HNRNPC: variants seen among roughly 807,000 people sequenced by gnomAD.
HNRNPC encodes heterogeneous nuclear ribonucleoproteins C1/C2.
In HNRNPC, 3 loss-of-function variants were observed where a neutral mutation model predicts 33.2. That is an observed-to-expected ratio of 0.09 (90% CI 0.04 to 0.23). HNRNPC has a LOEUF of 0.23. Ranked by LOEUF, HNRNPC falls within the 10% of genes least tolerant of loss-of-function variation. The probability of loss-of-function intolerance (pLI) is 1.00; values close to 1 mark genes in which losing one functional copy is unlikely to be tolerated. For missense variants in HNRNPC, 143 were observed against 366.7 expected, an observed-to-expected ratio of 0.39 and a Z score of 4.98; for synonymous variants, 121 against 126.7, an observed-to-expected ratio of 0.96 and a Z score of 0.30.
intron 6 of HNRNPC, 146 bp from the exon 7 acceptor site, chr14:21,212,069 C>T: frequency 3.1e-6 from 2 of 639,444 alleles, no homozygotes; most frequent in East Asian, 2.7e-5. Context: ...TAATAAAGGC[C>T]CTTGGTTCTA....
Position 21,268,533 on chromosome 14 carries a change from C to T in HNRNPC, c.-63+765G>A, listed in dbSNP as rs1396652270. ...CTCGACTGACCTCGTGGTCAAATTC[C>T]TTACTAGTGCTGCTACTGACTTAAT... is the stretch of plus-strand genomic sequence containing the variant. On this transcript the variant is annotated intron_variant, in intron 1 of 8. Transcript: ENST00000553300. 3 of 152,232 alleles carry T rather than the reference C, an allele frequency of 2.0e-5. No homozygotes were observed. In the East Asian group the frequency reaches 5.8e-4, roughly 29 times the overall value. 9.4% of individuals were successfully genotyped at this position (152,232 alleles called of 1,614,324 possible). A position where few individuals can be genotyped will look rare whatever the true frequency, so the allele number is the denominator to read the frequency against.
rs542923894 is a variant in HNRNPC at position 21,210,722 on chromosome 14, T to C, written c.*501A>G. 6.5e-6 allele frequency: 1 copy of C among 153,518 alleles called. No homozygotes were observed. The highest frequency in any genetic ancestry group is 1.9e-4 in the East Asian group (1 of 5,210). The allele number at this position is 153,518 out of a possible 1,614,324, so 9.5% of individuals were successfully genotyped here. Reference sequence around the variant, plus strand: ...ATGCATTTGACATGCCAACTCTCATTCACAAAAATACATTGTTACATTTGT... The same window carrying C: ...ATGCATTTGACATGCCAACTCTCATCCACAAAAATACATTGTTACATTTGT... On this transcript the variant is annotated 3_prime_UTR_variant, in exon 9 of 9. Transcript: ENST00000553300.
intron 2 of HNRNPC, among the ~76,000 whole-genome samples, chr14:21,256,454 C>T (rs554776447): frequency 3.3e-5 from 5 of 151,240 alleles, no homozygotes; most frequent in African/African-American, 9.7e-5. Context: ...CATCTCCCCC[C>T]CAAAAAAAAA....
chr14:21,231,313 A>T, intron 3 of HNRNPC: 1 of 610,784 alleles, frequency 1.6e-6, no homozygotes, highest in South Asian at 1.5e-5. Context: ...CAAACTACGA[A>T]GTTTAGAAAA....
intron 5 of HNRNPC, among the ~76,000 whole-genome samples, chr14:21,217,178 C>G (rs1214944810): frequency 1.3e-5 from 2 of 152,204 alleles, no homozygotes; most frequent in Non-Finnish European, 2.9e-5. Flanking sequence ...GGAAGTAGTC[C>G]TTGCCTCAAA....
At chr14:21,238,487 C>G (rs540573563) in intron 2 of HNRNPC, among the ~76,000 whole-genome samples, 1 of 152,282 alleles carries the variant, frequency 6.6e-6, no homozygotes, top group South Asian at 2.1e-4. Flanking sequence ...TTCCCAAATT[C>G]ACTACAATGT....
chr14:21,220,809 ATC>A (rs1366224421), intron 5 of HNRNPC, among the ~76,000 whole-genome samples: 2 of 150,432 alleles, frequency 1.3e-5, no homozygotes, highest in African/African-American at 4.9e-5. Context: ...AAAAAATTCT[ATC>A]TGTTTTCAAG....
At chr14:21,268,032 A>T (rs1879308168) in intron 1 of HNRNPC, among the ~76,000 whole-genome samples, 1 of 152,216 alleles carries the variant, frequency 6.6e-6, no homozygotes, top group Non-Finnish European at 1.5e-5. Flanking sequence ...CTTACCCTGC[A>T]GAATGGGTTT....
chr14:21,244,945 C>T lies in HNRNPC; in HGVS notation c.-36-10716G>A, dbSNP rs142709376. ...ACTAAAATAACAAAAATTAGCCAGG[C>T]GTGGTGGCATGCGCCTGTAGTCCCA... On this transcript the variant is annotated intron_variant, in intron 2 of 8. Coordinates refer to ENST00000553300, the MANE Select transcript of HNRNPC (RefSeq NM_004500.4). Among the ~76,000 whole-genome samples, 52 of 151,834 alleles carry T rather than the reference C, an allele frequency of 3.4e-4. 2 individuals carry two copies. Among genetic ancestry groups the T allele is most frequent in the African/African-American group, 1.1e-3 (45 of 41,370 alleles).
chr14:21,230,548 T>C (rs777684157), intron 4 of HNRNPC, 182 bp from the exon 5 acceptor site: 6 of 552,276 alleles, frequency 1.1e-5, no homozygotes, highest in East Asian at 6.1e-5. Flanking sequence ...CCACTGGAAA[T>C]GTAGCGGTCA....
At chr14:21,212,170 C>T (rs1891682288) in intron 6 of HNRNPC, among the ~76,000 whole-genome samples, 1 of 152,130 alleles carries the variant, frequency 6.6e-6, no homozygotes, top group South Asian at 2.1e-4. Flanking sequence ...AGGACAGTGA[C>T]TATTCACACG....
chr14:21,212,833 A>C (rs1243791978), intron 6 of HNRNPC, 127 bp downstream of exon 6: 1 of 1,236,694 alleles, frequency 8.1e-7, no homozygotes, highest in Non-Finnish European at 1.2e-6. Flanking sequence ...ATGAGCCACC[A>C]CACACCCAGC....
At chr14:21,239,847 C>T (rs1365110018) in intron 2 of HNRNPC, among the ~76,000 whole-genome samples, 3 of 152,118 alleles carry the variant, frequency 2.0e-5, no homozygotes, top group African/African-American at 7.2e-5. Context: ...GCACTCCAGC[C>T]TTGGCAACCG....
At chr14:21,266,617 T>C (rs1879025537) in intron 1 of HNRNPC, among the ~76,000 whole-genome samples, 2 of 150,330 alleles carry the variant, frequency 1.3e-5, no homozygotes, top group South Asian at 2.1e-4. Flanking sequence ...CACCTCAAAG[T>C]TCTGGTTCTC....
At chr14:21,250,445 CTA>C (rs979846472) in intron 2 of HNRNPC, among the ~76,000 whole-genome samples, 3 of 152,114 alleles carry the variant, frequency 2.0e-5, no homozygotes, top group Non-Finnish European at 2.9e-5. Flanking sequence ...AAAATTATAA[CTA>C]TGACAGATCT....
intron 2 of HNRNPC, among the ~76,000 whole-genome samples, chr14:21,237,038 G>A (rs369195803): frequency 1.1e-4 from 16 of 152,272 alleles, no homozygotes; most frequent in Non-Finnish European, 1.6e-4. Context: ...CAACAGGAAC[G>A]AAATTTTAGA....
chr14:21,211,014 T>A lies in HNRNPC; in HGVS notation c.*209A>T, dbSNP rs1566589538. 6 of 588,414 alleles carry A rather than the reference T, an allele frequency of 1.0e-5. No homozygotes were observed. Among genetic ancestry groups the A allele is most frequent in the African/African-American group, 1.9e-5 (1 of 53,636 alleles). The allele number at this position is 588,414 out of a possible 1,614,324, so 36.4% of individuals were successfully genotyped here. ...AAAGCAAAAATTACAGGGTAAGACT[T>A]AACAAAACTACTAGGAGCGTCAAAG... On this transcript the variant is annotated 3_prime_UTR_variant, in exon 9 of 9. Coordinates refer to ENST00000553300, the MANE Select transcript of HNRNPC (RefSeq NM_004500.4).
intron 1 of HNRNPC, among the ~76,000 whole-genome samples, chr14:21,266,156 A>G (rs1878943351): frequency 6.6e-6 from 1 of 152,142 alleles, no homozygotes; most frequent in African/African-American, 2.4e-5. Flanking sequence ...CCCAGGCTGG[A>G]GTGCAGTGGT....
In HNRNPC at chr14:21,209,999, T is replaced by A. The variant is rs1891446771; in HGVS notation, c.*1224A>T. The A allele has an allele frequency of 6.6e-6, 1 of 152,202 alleles. No individual in the cohort carries two copies. The highest frequency in any genetic ancestry group is 6.5e-5 in the Admixed American group (1 of 15,288). The allele number at this position is 152,202 out of a possible 1,614,324, so 9.4% of individuals were successfully genotyped here. On this transcript the variant is annotated 3_prime_UTR_variant, in exon 9 of 9. Transcript: ENST00000553300. ...AGAGTAAAATAAATGTGTAACATTC[T>A]CTATGTTCTCAATCACCTGGGAAGG...
Sources: allele counts gnomAD v4.1 joint callset (sites outside exome capture counted in the v4.1 genomes callset), GRCh38; gene constraint gnomAD v4.1.1; transcripts MANE v1.5; gene names NCBI Gene and HGNC (gene_info 2026-07-23, HGNC 2026-07-21).